AGAP1: variants seen among roughly 807,000 people sequenced by gnomAD.
AGAP1 encodes arf-GAP with GTPase, ANK repeat and PH domain-containing protein 1.
Under a neutral mutation model 105.3 loss-of-function variants are expected in AGAP1, and 29 were observed. The observed-to-expected ratio is 0.28, with a 90% CI of 0.21 to 0.38. The LOEUF (loss-of-function observed/expected upper bound fraction) is 0.38. AGAP1 is among the 10% of genes least tolerant of loss of function. The pLI, the probability that AGAP1 is intolerant of heterozygous loss-of-function variation, is 1.00. For missense variants in AGAP1, 998 were observed against 1,165.1 expected (o/e 0.86, Z 2.09); for synonymous variants, 509 against 485.9 (o/e 1.05, Z -0.63).
chr2:236,064,111 C>T (rs916058474), intron 16 of AGAP1, among the ~76,000 whole-genome samples: 4 of 152,150 alleles, frequency 2.6e-5, no homozygotes, highest in African/African-American at 4.8e-5. Context: ...GAAGATGACA[C>T]CCAGACAGGA....
In AGAP1 at chr2:235,737,655, A is replaced by G. The variant is rs3768959; in HGVS notation, c.311-3308A>G. 2.3e-3 allele frequency among the ~76,000 whole-genome samples: 357 copies of G among 152,318 alleles called. 4 individuals are homozygous for G. The highest frequency in any genetic ancestry group is 0.02 in the East Asian group (105 of 5,164). On this transcript the variant is annotated intron_variant, in intron 3 of 17. Coordinates refer to ENST00000304032, the MANE Select transcript of AGAP1 (RefSeq NM_001037131.3). The surrounding 1 kb of genome is among the most constrained non-coding windows in gnomAD (Gnocchi z 4.5). ...GATGGACGTGAAATCCGTCCTATGC[A>G]TGCTCACCTGACATGCAACAGGGAG...
chr2:235,648,420 G>C (rs1436103672), intron 1 of AGAP1, among the ~76,000 whole-genome samples: 1 of 152,166 alleles, frequency 6.6e-6, no homozygotes, highest in Non-Finnish European at 1.5e-5. Context: ...GCACATGACA[G>C]CTCTGCACTC....
chr2:235,999,163 GAT>G (rs2055961635), intron 13 of AGAP1, among the ~76,000 whole-genome samples: 2 of 70,962 alleles, frequency 2.8e-5, no homozygotes, highest in African/African-American at 1.2e-4. Flanking sequence ...TGGTGGTGGT[GAT>G]GATGATGATA....
In AGAP1 at chr2:235,741,911, G is replaced by A. The variant is rs541572122; in HGVS notation, c.396+863G>A. Among the ~76,000 whole-genome samples, 232 of 151,792 alleles carry A rather than the reference G, an allele frequency of 1.5e-3. No individual in the cohort carries two copies. Among genetic ancestry groups the A allele is most frequent in the Non-Finnish European group, 2.6e-3 (177 of 67,918 alleles). ...TGGGACTACGGGCGCCTGCTACCAC[G>A]CCTGGCTAATTTTTTGTATTTTTAG... On this transcript the variant is annotated intron_variant, in intron 4 of 17. Coordinates refer to ENST00000304032, the MANE Select transcript of AGAP1 (RefSeq NM_001037131.3). This position sits in a 1 kb window ranked among gnomAD's most constrained non-coding sequence, Gnocchi z 4.9.
chr2:235,833,672 A>T (rs79333384), intron 9 of AGAP1, among the ~76,000 whole-genome samples: 7,813 of 152,102 alleles, frequency 0.051, 674 homozygotes, highest in African/African-American at 0.18. Flanking sequence ...TCCCGAATGA[A>T]TGAATGGAAC....
In AGAP1 at chr2:236,092,077, C is replaced by T. The variant is rs1303291902; in HGVS notation, c.2115-28115C>T. Among the ~76,000 whole-genome samples the T allele has an allele frequency of 6.6e-6, 1 of 152,102 alleles. No homozygotes were observed. On this transcript the variant is annotated intron_variant, in intron 16 of 17. Transcript: ENST00000304032. The surrounding 1 kb of genome is among the most constrained non-coding windows in gnomAD (Gnocchi z 4.7). The stretch of plus-strand genomic sequence containing the variant: ...TATCACTGTTGATATTACAGAATTA[C>T]GGAGCTAGAGAACAGGTTAGTGGTT...
chr2:235,637,979 G>A (rs77883535), intron 1 of AGAP1, among the ~76,000 whole-genome samples: 2,527 of 152,248 alleles, frequency 0.017, 68 homozygotes, highest in African/African-American at 0.058. Context: ...CCCTCTGCAT[G>A]GGTGAGGCAG....
intron 6 of AGAP1, chr2:235,783,353 A>G (rs888099151): frequency 3.8e-5 from 18 of 471,254 alleles, no homozygotes; most frequent in Admixed American, 3.8e-4. Flanking sequence ...TAATGTTCTA[A>G]AAGCTCTTTG....
chr2:235,952,030 T>C (rs2053759004), intron 12 of AGAP1, among the ~76,000 whole-genome samples: 1 of 152,210 alleles, frequency 6.6e-6, no homozygotes, highest in African/African-American at 2.4e-5. Context: ...TAGTCAAAAA[T>C]GAAAGGTCAT....
intron 1 of AGAP1, among the ~76,000 whole-genome samples, chr2:235,499,741 C>T (rs1941486218): frequency 2.0e-5 from 3 of 152,280 alleles, no homozygotes; most frequent in Middle Eastern, 3.4e-3. Flanking sequence ...AATTAAGGCC[C>T]TCCTGGTCTC....
rs1171266224 is a variant in AGAP1 at position 235,570,838 on chromosome 2, G to GC, written c.163+75990dup. On this transcript the variant is annotated intron_variant, in intron 1 of 17. Transcript: ENST00000304032. ...GTGTAGGTGATTAGGCCGGTGCCTG[G>GC]CAAGTACTGCTGCTCGAGGAATCTC... Among the ~76,000 whole-genome samples the GC allele has an allele frequency of 2.0e-5, 3 of 152,204 alleles. No homozygotes were observed. In the East Asian group the frequency reaches 5.8e-4, roughly 29 times the overall value.
chr2:236,102,954 C>T (rs971180345), intron 16 of AGAP1, among the ~76,000 whole-genome samples: 1 of 151,746 alleles, frequency 6.6e-6, no homozygotes, highest in Admixed American at 6.6e-5. Context: ...CCACCGCAAG[C>T]CCCCGCCCCA....
chr2:235,735,013 C>T (rs1465432232), intron 3 of AGAP1, among the ~76,000 whole-genome samples: 1 of 121,066 alleles, frequency 8.3e-6, no homozygotes, highest in Non-Finnish European at 2.0e-5. Context: ...GCTTTGTATC[C>T]TGCCGCGCAC....
rs963425960 is a variant in AGAP1 at position 236,020,756 on chromosome 2, C to A, written c.1646-15805C>A. 3.9e-5 allele frequency among the ~76,000 whole-genome samples: 6 copies of A among 152,184 alleles called. No individual in the cohort carries two copies. Among genetic ancestry groups the A allele is most frequent in the Non-Finnish European group, 8.8e-5 (6 of 68,034 alleles). Reference sequence around the variant, plus strand: ...AGACTTATTTAATAGAAAAATGACCCAAAGACTCCATGGAGAATATCTGTG... The same window carrying A: ...AGACTTATTTAATAGAAAAATGACCAAAAGACTCCATGGAGAATATCTGTG... On this transcript the variant is annotated intron_variant, in intron 13 of 17. Coordinates refer to ENST00000304032, the MANE Select transcript of AGAP1 (RefSeq NM_001037131.3). This position sits in a 1 kb window ranked among gnomAD's most constrained non-coding sequence, Gnocchi z 5.0.
chr2:236,067,379 G>A lies in AGAP1; in HGVS notation c.2114+18098G>A, dbSNP rs1351660058. ...AGTTTTTTTAAGGAAAAATCACTACGCTTTTAAAGGAGAAAAACTTGTAAG... is the reference window on the plus strand; with the variant it reads ...AGTTTTTTTAAGGAAAAATCACTACACTTTTAAAGGAGAAAAACTTGTAAG... On this transcript the variant is annotated intron_variant, in intron 16 of 17. Transcript: ENST00000304032. Among the ~76,000 whole-genome samples, 4 of 152,024 alleles carry A rather than the reference G, an allele frequency of 2.6e-5. No homozygotes were observed. In the East Asian group the frequency reaches 5.8e-4, roughly 22 times the overall value.
At chr2:235,765,631 A>C (rs1004427318) in intron 6 of AGAP1, among the ~76,000 whole-genome samples, 8 of 152,094 alleles carry the variant, frequency 5.3e-5, no homozygotes, top group Non-Finnish European at 1.2e-4. Flanking sequence ...GTTCGGCAGC[A>C]CTTTGCCTTG....
intron 12 of AGAP1, among the ~76,000 whole-genome samples, chr2:235,956,064 A>G (rs2053935352): frequency 6.6e-6 from 1 of 152,206 alleles, no homozygotes; most frequent in African/African-American, 2.4e-5. Flanking sequence ...GTTTTCTGCA[A>G]GACGCATTCA....
chr2:235,887,848 A>T lies in AGAP1; in HGVS notation c.1155+4399A>T, dbSNP rs1231386698. Among the ~76,000 whole-genome samples the T allele has an allele frequency of 2.0e-5, 3 of 152,160 alleles. No individual in the cohort carries two copies. Among genetic ancestry groups the T allele is most frequent in the African/African-American group, 7.2e-5 (3 of 41,438 alleles). On this transcript the variant is annotated intron_variant, in intron 10 of 17. Coordinates refer to ENST00000304032, the MANE Select transcript of AGAP1 (RefSeq NM_001037131.3). This position sits in a 1 kb window ranked among gnomAD's most constrained non-coding sequence, Gnocchi z 4.1. Reference sequence around the variant, plus strand: ...TGGGGAGACGGGATTCTAATCAGCTAATACTTCTATTATGGGGTGCTGACT... The same window carrying T: ...TGGGGAGACGGGATTCTAATCAGCTTATACTTCTATTATGGGGTGCTGACT...
rs1033181241 is a variant in AGAP1, at chr2:236,051,376, T to C, written c.2114+2095T>C. 1.3e-5 allele frequency among the ~76,000 whole-genome samples: 2 copies of C among 152,230 alleles called. No individual in the cohort carries two copies. Among genetic ancestry groups the C allele is most frequent in the African/African-American group, 4.8e-5 (2 of 41,470 alleles). On this transcript the variant is annotated intron_variant, in intron 16 of 17. Transcript: ENST00000304032. This position sits in a 1 kb window ranked among gnomAD's most constrained non-coding sequence, Gnocchi z 5.9. The stretch of plus-strand genomic sequence containing the variant: ...GTTCCCTGGTGATTGGTGAAGGCTC[T>C]CAGGGCTGCCTGAGGATGCCAGGGC...
Sources: gnomAD v4.1 joint callset for allele counts (sites outside exome capture counted in the v4.1 genomes callset) on GRCh38, gnomAD v4.1.1 for gene constraint, Gnocchi (gnomAD v3.1) non-coding constraint, MANE v1.5 for transcripts, NCBI Gene and HGNC (gene_info 2026-07-23, HGNC 2026-07-21) for gene names.